The following SORCS2 variants were observed in gnomAD, a reference collection of about 807,000 sequenced individuals.
The protein encoded by SORCS2 is sortilin related VPS10 domain containing receptor 2, also known as VPS10 domain-containing receptor SorCS2.
In SORCS2, 100 loss-of-function variants were observed where a neutral mutation model predicts 141.6. The ratio of observed to expected loss-of-function variants is 0.71; its 90% CI spans 0.60 to 0.83. SORCS2 has a LOEUF of 0.83. SORCS2 is among the 40% of genes least tolerant of loss of function. The pLI is 0.00. For missense variants in SORCS2, 1,646 were observed against 1,560.2 expected, an observed-to-expected ratio of 1.05 and a Z score of -0.93; for synonymous variants, 789 against 676.9, an observed-to-expected ratio of 1.17 and a Z score of -2.57.
chr4:7,535,356 C>T (rs945335905), intron 3 of SORCS2, among the ~76,000 whole-genome samples: 1 of 152,168 alleles, frequency 6.6e-6, no homozygotes, highest in Non-Finnish European at 1.5e-5. Context: ...GGATGTGGGG[C>T]ACCGGGGAGC....
At chr4:7,717,244 G>A (rs569282435) in intron 17 of SORCS2, among the ~76,000 whole-genome samples, 2 of 152,304 alleles carry the variant, frequency 1.3e-5, no homozygotes, top group Non-Finnish European at 1.5e-5. Context: ...GGCCTGGGAT[G>A]CTCTTTCTTC....
chr4:7,267,007 G>A (rs1177197017), intron 1 of SORCS2, among the ~76,000 whole-genome samples: 1 of 152,196 alleles, frequency 6.6e-6, no homozygotes, highest in Non-Finnish European at 1.5e-5. Context: ...GGGCCACAGA[G>A]AGGGAAGGAA....
At chr4:7,195,067 TG>T (rs1426493146) in intron 1 of SORCS2, among the ~76,000 whole-genome samples, 1 of 145,534 alleles carries the variant, frequency 6.9e-6, no homozygotes, top group African/African-American at 2.6e-5. Flanking sequence ...GCACTGGGGG[TG>T]GGGGGCTGTC....
intron 1 of SORCS2, among the ~76,000 whole-genome samples, chr4:7,293,905 C>G (rs1046036283): frequency 1.3e-5 from 2 of 152,232 alleles, no homozygotes; most frequent in African/African-American, 4.8e-5. Flanking sequence ...CGCTGTCCAG[C>G]AGGGCGCATT....
chr4:7,426,539 T>C (rs13125782), intron 2 of SORCS2, among the ~76,000 whole-genome samples: 119,453 of 152,174 alleles, frequency 0.78, 46,985 homozygotes, highest in South Asian at 0.91. Context: ...GCCTGAGCAA[T>C]GTAGCAAGAC....
At chr4:7,675,355 C>T (rs1044734361) in intron 8 of SORCS2, among the ~76,000 whole-genome samples, 1 of 152,178 alleles carries the variant, frequency 6.6e-6, no homozygotes, top group African/African-American at 2.4e-5. Context: ...TCTCTGCCTC[C>T]CCCTCCAGAC....
chr4:7,710,443 A>T (rs1244752208), intron 14 of SORCS2, among the ~76,000 whole-genome samples: 2 of 151,884 alleles, frequency 1.3e-5, no homozygotes, highest in African/African-American at 4.9e-5. Context: ...TATACCTTCC[A>T]TAATGCCACA....
At chr4:7,367,222 G>C (rs1338338956) in intron 1 of SORCS2, among the ~76,000 whole-genome samples, 2 of 152,190 alleles carry the variant, frequency 1.3e-5, no homozygotes, top group Non-Finnish European at 2.9e-5. Context: ...GCCATCCTTG[G>C]AACACCGTTC....
At chr4:7,321,823 G>A (rs1460403418) in intron 1 of SORCS2, among the ~76,000 whole-genome samples, 4 of 152,230 alleles carry the variant, frequency 2.6e-5, no homozygotes, top group African/African-American at 7.2e-5. Context: ...GCCCCGTGAG[G>A]GGGCATGGAA....
intron 1 of SORCS2, among the ~76,000 whole-genome samples, chr4:7,375,626 G>C (rs1401966849): frequency 6.6e-6 from 1 of 152,228 alleles, no homozygotes; most frequent in Non-Finnish European, 1.5e-5. Context: ...TGGCTGCCCA[G>C]AACCAGCCTG....
chr4:7,362,912 C>A (rs1398420069), intron 1 of SORCS2, among the ~76,000 whole-genome samples: 2 of 147,448 alleles, frequency 1.4e-5, no homozygotes, highest in Non-Finnish European at 3.0e-5. Context: ...CTATTACTAT[C>A]ATCATCACCA....
intron 1 of SORCS2, among the ~76,000 whole-genome samples, chr4:7,372,131 G>C (rs1340714001): frequency 6.6e-6 from 1 of 152,224 alleles, no homozygotes; most frequent in Non-Finnish European, 1.5e-5. Context: ...ATATGGGTCA[G>C]TTGGCTTTGG....
At chr4:7,238,494 G>T (rs1314963528) in intron 1 of SORCS2, among the ~76,000 whole-genome samples, 1 of 152,210 alleles carries the variant, frequency 6.6e-6, no homozygotes, top group Admixed American at 6.5e-5. Flanking sequence ...ACTGGTCACT[G>T]GGTGGCGCTG....
chr4:7,461,717 T>C (rs1729323953), intron 2 of SORCS2, among the ~76,000 whole-genome samples: 1 of 152,208 alleles, frequency 6.6e-6, no homozygotes, highest in Non-Finnish European at 1.5e-5. Flanking sequence ...CCTCAGGATA[T>C]AGCCCAGAGG....
chr4:7,297,253 C>G (rs941279815), intron 1 of SORCS2, among the ~76,000 whole-genome samples: 4 of 152,206 alleles, frequency 2.6e-5, no homozygotes, highest in African/African-American at 9.6e-5. Context: ...GGTTCCACAC[C>G]GTGCTCAGAG....
At chr4:7,593,374 C>T (rs1057184011) in intron 3 of SORCS2, among the ~76,000 whole-genome samples, 3 of 152,134 alleles carry the variant, frequency 2.0e-5, no homozygotes, top group Non-Finnish European at 4.4e-5. Flanking sequence ...GCAGGTGAGG[C>T]GGGAGGTACT....
At chr4:7,472,625 G>C (rs16840336) in intron 2 of SORCS2, among the ~76,000 whole-genome samples, 19,118 of 152,134 alleles carry the variant, frequency 0.13, 1,634 homozygotes, top group East Asian at 0.3. Flanking sequence ...TTTCACACAC[G>C]CCGCGCTTCT....
chr4:7,625,526 C>T (rs752363535), intron 3 of SORCS2, among the ~76,000 whole-genome samples: 7 of 151,944 alleles, frequency 4.6e-5, no homozygotes, highest in South Asian at 2.1e-4. Context: ...CAAGCAGAGA[C>T]GAGCCCGGGA....
rs537665626 is a variant in SORCS2 at position 7,326,982 on chromosome 4, C to T, written c.481-69306C>T. ...CCTGGTCACCCGTGGCTGAGGGCCT[C>T]CGGGCCTCCACCCCTGCCCACAGCT... is the stretch of plus-strand genomic sequence containing the variant. On this transcript the variant is annotated intron_variant, in intron 1 of 26. Transcript: ENST00000507866. Among the ~76,000 whole-genome samples, 4 of 152,336 alleles carry T rather than the reference C, an allele frequency of 2.6e-5. No individual in the cohort carries two copies. The South Asian group carries it at 8.3e-4, about 32-fold the overall frequency.
Sources: allele counts gnomAD v4.1 joint callset (sites outside exome capture counted in the v4.1 genomes callset), GRCh38; gene constraint gnomAD v4.1.1; transcripts MANE v1.5; gene names NCBI Gene and HGNC (gene_info 2026-07-23, HGNC 2026-07-21).